Variants in MCCC1 observed in about 807,000 individuals in gnomAD.
MCCC1 encodes methylcrotonoyl-CoA carboxylase subunit alpha, mitochondrial.
A neutral mutation model predicts 83.8 loss-of-function variants in MCCC1; 64 were observed. That is an observed-to-expected ratio of 0.76 (90% CI 0.62 to 0.94). The LOEUF is 0.94. Ranked by LOEUF, MCCC1 falls within the 40% of genes least tolerant of loss-of-function variation. The probability of loss-of-function intolerance (pLI) is 0.00; values close to 1 mark genes in which losing one functional copy is unlikely to be tolerated. For missense variants in MCCC1, 807 were observed against 904.7 expected (o/e 0.89, Z 1.39); for synonymous variants, 322 against 315.4 (o/e 1.02, Z -0.22).
chr3:183,072,552 G>A lies in MCCC1; in HGVS notation c.370-65C>T, dbSNP rs1416466257. ...GCTCAACTGGCAACACCTTAATGCA[G>A]GTGAAGCTGTCTTCCTCTGGGAGGC... is the stretch of plus-strand genomic sequence containing the variant. On this transcript the variant is annotated intron_variant, in intron 4 of 18. Transcript: ENST00000265594. 13 of 1,591,346 alleles carry A rather than the reference G, an allele frequency of 8.2e-6. No individual in the cohort carries two copies. In the East Asian group the frequency reaches 2.0e-4, roughly 25 times the overall value.
intron 5 of MCCC1, among the ~76,000 whole-genome samples, chr3:183,072,044 AT>A (rs1716736475): frequency 6.6e-6 from 1 of 151,292 alleles, no homozygotes; most frequent in South Asian, 2.1e-4. Flanking sequence ...TTTTTAAAAA[AT>A]TTTGTAGAGA....
intron 15 of MCCC1, 128 bp from the exon 16 acceptor site, chr3:183,022,682 T>C: frequency 2.4e-6 from 2 of 833,762 alleles, no homozygotes. Context: ...ATATAACATA[T>C]ATTTTTTAAA....
intron 4 of MCCC1, among the ~76,000 whole-genome samples, chr3:183,077,155 A>G (rs1717135599): frequency 6.6e-6 from 1 of 152,172 alleles, no homozygotes; most frequent in South Asian, 2.1e-4. Flanking sequence ...AGACATTTGC[A>G]TTGTTCCTAC....
intron 18 of MCCC1, 41 bp from the exon 19 acceptor site, chr3:183,015,607 T>C (rs1711550592): frequency 6.2e-7 from 1 of 1,612,788 alleles, no homozygotes; most frequent in East Asian, 2.2e-5. Context: ...GCTGCAATAC[T>C]AATGAGGACT....
chr3:183,111,511 G>A (rs1029174606), intron 1 of MCCC1, among the ~76,000 whole-genome samples: 77 of 152,170 alleles, frequency 5.1e-4, no homozygotes, highest in African/African-American at 1.8e-3. Context: ...TGTTGGCCAG[G>A]CTGGTTTCGA....
Position 183,041,564 on chromosome 3 carries a change from T to C in MCCC1, c.1267+3A>G. The C allele has an allele frequency of 6.2e-7, 1 of 1,614,048 alleles. No homozygotes were observed. Among genetic ancestry groups the C allele is most frequent in the Non-Finnish European group, 8.5e-7 (1 of 1,179,884 alleles). On this transcript the variant is annotated splice_donor_region_variant and intron_variant, in intron 11 of 18. Coordinates refer to ENST00000265594, the MANE Select transcript of MCCC1 (RefSeq NM_020166.5). ...TGAGACTTTTCATTTTCTTTCACTT[T>C]ACCTTGCCGTACTCCAGTTTCAATC...
At chr3:183,027,295 A>G (rs193126343) in intron 14 of MCCC1, among the ~76,000 whole-genome samples, 394 of 152,304 alleles carry the variant, frequency 2.6e-3, no homozygotes, top group Middle Eastern at 0.01. Flanking sequence ...AATTAGACTA[A>G]TTAATAACCC....
chr3:183,058,514 C>T (rs1430383244), intron 7 of MCCC1, among the ~76,000 whole-genome samples: 3 of 151,994 alleles, frequency 2.0e-5, no homozygotes. Flanking sequence ...CCTAGCCACT[C>T]AGGAGGCTCA....
At chr3:183,088,508 G>GT (rs1247868611) in intron 3 of MCCC1, among the ~76,000 whole-genome samples, 1 of 152,118 alleles carries the variant, frequency 6.6e-6, no homozygotes, top group Non-Finnish European at 1.5e-5. Context: ...TGCCCAGCCT[G>GT]TTTTTTACTT....
intron 1 of MCCC1, among the ~76,000 whole-genome samples, chr3:183,096,102 G>C (rs947560411): frequency 3.9e-5 from 6 of 152,184 alleles, no homozygotes; most frequent in Admixed American, 6.5e-5. Context: ...TTGAGAGGCT[G>C]AGGTGGGGGG....
At chr3:183,115,096 G>A (rs1315238729) in intron 1 of MCCC1, among the ~76,000 whole-genome samples, 1 of 152,084 alleles carries the variant, frequency 6.6e-6, no homozygotes, top group Admixed American at 6.5e-5. Flanking sequence ...CCACACCAAC[G>A]TGCCCAGGGA....
intron 15 of MCCC1, among the ~76,000 whole-genome samples, chr3:183,025,459 T>A (rs1168715394): frequency 6.6e-6 from 1 of 152,230 alleles, no homozygotes; most frequent in African/African-American, 2.4e-5. Context: ...ACTGCTGCTT[T>A]TGCTGTAAAT....
chr3:183,045,040 G>C (rs990377610), intron 10 of MCCC1, among the ~76,000 whole-genome samples: 1 of 151,634 alleles, frequency 6.6e-6, no homozygotes, highest in Non-Finnish European at 1.5e-5. Context: ...CAGTGAACAC[G>C]GTACCATTTA....
At chr3:183,092,370 A>G in intron 3 of MCCC1, 39 bp downstream of exon 3, 1 of 1,613,702 alleles carries the variant, frequency 6.2e-7, no homozygotes, top group South Asian at 1.1e-5. Context: ...ACAGTAAACG[A>G]ATAAACGTAA....
chr3:183,112,927 A>T (rs1674605125), intron 1 of MCCC1, among the ~76,000 whole-genome samples: 1 of 151,718 alleles, frequency 6.6e-6, no homozygotes, highest in Admixed American at 6.6e-5. Flanking sequence ...AAAAAAATAA[A>T]AAATAAAAAA....
chr3:183,062,535 A>G (rs1281820781), intron 7 of MCCC1, among the ~76,000 whole-genome samples: 1 of 151,642 alleles, frequency 6.6e-6, no homozygotes, highest in Non-Finnish European at 1.5e-5. Context: ...TTTGTATTTC[A>G]GTAGAGACAG....
chr3:183,072,602 G>A, intron 4 of MCCC1, 115 bp from the exon 5 acceptor site: 3 of 1,139,794 alleles, frequency 2.6e-6, no homozygotes, highest in Middle Eastern at 2.0e-4. Context: ...GTAATAGTAT[G>A]GTCTCTATTA....
chr3:183,033,241 C>A (rs1713232397), intron 14 of MCCC1, among the ~76,000 whole-genome samples: 1 of 152,230 alleles, frequency 6.6e-6, no homozygotes, highest in Admixed American at 6.5e-5. Context: ...TAAAGAAAAT[C>A]AGTCACTAAG....
At chr3:183,052,913 A>G (rs1715101442) in intron 8 of MCCC1, among the ~76,000 whole-genome samples, 2 of 148,706 alleles carry the variant, frequency 1.3e-5, no homozygotes, top group South Asian at 2.2e-4. Flanking sequence ...ATACTATACA[A>G]TTTTTATAGT....
Sources: gnomAD v4.1 joint callset for allele counts (sites outside exome capture counted in the v4.1 genomes callset) on GRCh38, gnomAD v4.1.1 for gene constraint, MANE v1.5 for transcripts, NCBI Gene and HGNC (gene_info 2026-07-23, HGNC 2026-07-21) for gene names.